AGBL1: variants seen among roughly 807,000 people sequenced by gnomAD.
AGBL1 encodes the protein AGBL carboxypeptidase 1.
In AGBL1, 130 loss-of-function variants were observed where a neutral mutation model predicts 118.9. That is an observed-to-expected ratio of 1.09 (90% CI 0.95 to 1.26). The LOEUF (loss-of-function observed/expected upper bound fraction) is 1.26. Ranked by LOEUF, AGBL1 falls within the 50% of genes most tolerant of loss-of-function variation. AGBL1 has a pLI of 0.00. For missense variants in AGBL1, 1,584 were observed against 1,298.1 expected, an observed-to-expected ratio of 1.22 and a Z score of -3.38; for synonymous variants, 555 against 478.9, an observed-to-expected ratio of 1.16 and a Z score of -2.08.
chr15:86,300,714 AG>A (rs1384006778), intron 17 of AGBL1, among the ~76,000 whole-genome samples: 10 of 152,156 alleles, frequency 6.6e-5, no homozygotes, highest in Non-Finnish European at 4.4e-5. Context: ...TGTTCTTTCC[AG>A]GGGGCCTGAG....
At chr15:86,893,358 G>A (rs529641985) in intron 22 of AGBL1, among the ~76,000 whole-genome samples, 94 of 152,226 alleles carry the variant, frequency 6.2e-4, no homozygotes, top group East Asian at 2.7e-3. Context: ...AAAAGAATCC[G>A]CAAAACTGCG....
In AGBL1 at chr15:86,913,120, C is replaced by T. The variant is rs1046508663; in HGVS notation, c.*5826C>T. 6.6e-6 allele frequency: 1 copy of T among 151,976 alleles called. No individual in the cohort carries two copies. The highest frequency in any genetic ancestry group is 2.4e-5 in the African/African-American group (1 of 41,372). 9.4% of individuals were successfully genotyped at this position (151,976 alleles called of 1,614,324 possible). On this transcript the variant is annotated 3_prime_UTR_variant, in exon 23 of 23. Transcript: ENST00000614907. The stretch of plus-strand genomic sequence containing the variant: ...AATAAAAAGATACAATTGCATATAA[C>T]TTAAAATCATCTATTACACACACAC...
chr15:86,410,842 A>ATATATATATATG (rs36174307), intron 18 of AGBL1, among the ~76,000 whole-genome samples: 22 of 74,658 alleles, frequency 2.9e-4, no homozygotes, highest in East Asian at 2.5e-3. Context: ...ATATATATAT[A>ATATATATATATG]ATATACTATT....
chr15:86,525,685 C>T, intron 19 of AGBL1, among the ~76,000 whole-genome samples: 1 of 152,114 alleles, frequency 6.6e-6, no homozygotes, highest in Non-Finnish European at 1.5e-5. Flanking sequence ...ACCTGGATCC[C>T]TGTCTCTCAC....
chr15:86,748,588 G>A (rs1172827910), intron 22 of AGBL1, among the ~76,000 whole-genome samples: 1 of 121,482 alleles, frequency 8.2e-6, no homozygotes, highest in East Asian at 2.6e-4. Context: ...CCTTGCCCAT[G>A]CCTATGTCCT....
chr15:86,481,628 T>G (rs775863725), intron 18 of AGBL1, among the ~76,000 whole-genome samples: 28 of 152,168 alleles, frequency 1.8e-4, no homozygotes, highest in Admixed American at 3.3e-4. Flanking sequence ...AGAACAGCAG[T>G]GTCATGAACT....
intron 22 of AGBL1, among the ~76,000 whole-genome samples, chr15:86,740,864 G>A (rs1476472379): frequency 2.6e-5 from 4 of 152,102 alleles, no homozygotes; most frequent in African/African-American, 9.7e-5. Flanking sequence ...CAAATTTTAG[G>A]TGAATAGAAA....
chr15:86,715,309 C>T (rs921977977), intron 22 of AGBL1, among the ~76,000 whole-genome samples: 2 of 152,146 alleles, frequency 1.3e-5, no homozygotes, highest in Admixed American at 1.3e-4. Flanking sequence ...TCCTTATCAC[C>T]CAGCGGAGAA....
chr15:86,995,405 A>T (rs944667417), intron 24 of AGBL1, among the ~76,000 whole-genome samples: 3 of 151,834 alleles, frequency 2.0e-5, no homozygotes, highest in African/African-American at 7.3e-5. Context: ...TAAGTAAATA[A>T]ACAAACATAG....
chr15:86,151,577 T>C (rs1793067836), intron 3 of AGBL1, among the ~76,000 whole-genome samples: 1 of 152,284 alleles, frequency 6.6e-6, no homozygotes, highest in East Asian at 1.9e-4. Flanking sequence ...TCATACTGAA[T>C]GGGAAAAAAC....
intron 18 of AGBL1, among the ~76,000 whole-genome samples, chr15:86,521,666 G>T (rs1000714785): frequency 6.6e-6 from 1 of 152,140 alleles, no homozygotes; most frequent in Non-Finnish European, 1.5e-5. Context: ...CAAGACCTAT[G>T]TATGATAAGA....
At chr15:86,949,877 T>A (rs1449558558) in intron 23 of AGBL1, among the ~76,000 whole-genome samples, 1 of 152,096 alleles carries the variant, frequency 6.6e-6, no homozygotes, top group Non-Finnish European at 1.5e-5. Flanking sequence ...CATAGGACAC[T>A]TATCATTAAT....
At chr15:86,595,624 C>G (rs990280420) in intron 21 of AGBL1, among the ~76,000 whole-genome samples, 1 of 152,152 alleles carries the variant, frequency 6.6e-6, no homozygotes, top group African/African-American at 2.4e-5. Context: ...GGACCATCAC[C>G]TCTTTCTTGG....
At chr15:86,393,898 G>A (rs949050487) in intron 17 of AGBL1, among the ~76,000 whole-genome samples, 2 of 152,050 alleles carry the variant, frequency 1.3e-5, no homozygotes, top group East Asian at 1.9e-4. Flanking sequence ...AAGAAAAGAG[G>A]CTTGCGGGAA....
intron 22 of AGBL1, among the ~76,000 whole-genome samples, chr15:86,680,883 ACC>A (rs2085942497): frequency 6.6e-6 from 1 of 151,912 alleles, no homozygotes; most frequent in Non-Finnish European, 1.5e-5. Context: ...TGTCTTTTCT[ACC>A]TTCATAGTTG....
In AGBL1 at chr15:86,428,452, A is replaced by G. The variant is rs940490791; in HGVS notation, c.2555+30906A>G. ...TATTTTCCCCCGTCTTTTTTTCTAA[A>G]TACACGGACTTCTTTAACTTCCATA... is the stretch of plus-strand genomic sequence containing the variant. On this transcript the variant is annotated intron_variant, in intron 18 of 22. Transcript: ENST00000614907. Among the ~76,000 whole-genome samples, 4 of 152,238 alleles carry G rather than the reference A, an allele frequency of 2.6e-5. No homozygotes were observed. In the East Asian group the frequency reaches 5.8e-4, roughly 22 times the overall value.
intron 5 of AGBL1, among the ~76,000 whole-genome samples, chr15:86,202,556 C>T (rs1342406107): frequency 6.6e-6 from 1 of 152,188 alleles, no homozygotes; most frequent in Non-Finnish European, 1.5e-5. Flanking sequence ...CTTGACATTG[C>T]ACCTGCCACA....
intron 18 of AGBL1, among the ~76,000 whole-genome samples, chr15:86,436,847 C>G (rs1367801177): frequency 3.3e-5 from 5 of 152,126 alleles, no homozygotes; most frequent in Admixed American, 2.6e-4. Context: ...GCTTATGGTT[C>G]TGGAAAATAA....
At chr15:86,818,196 C>CA (rs1272937816) in intron 22 of AGBL1, among the ~76,000 whole-genome samples, 6 of 152,144 alleles carry the variant, frequency 3.9e-5, no homozygotes, top group Non-Finnish European at 8.8e-5. Context: ...TAAGATAACA[C>CA]ATTTAACACA....
Sources: allele counts gnomAD v4.1 joint callset (sites outside exome capture counted in the v4.1 genomes callset), GRCh38; gene constraint gnomAD v4.1.1; transcripts MANE v1.5; gene names NCBI Gene and HGNC (gene_info 2026-07-23, HGNC 2026-07-21).